Variants in EXOC4 observed in about 807,000 individuals in gnomAD.
EXOC4 encodes the protein exocyst complex component 4, also known as SEC8-like 1.
EXOC4 carries 71 observed loss-of-function variants against 107.2 expected under a neutral mutation model. That is an observed-to-expected ratio of 0.66 (90% CI 0.55 to 0.81). EXOC4 has a LOEUF of 0.81. EXOC4 is among the 30% of genes least tolerant of loss of function. The probability of loss-of-function intolerance (pLI) is 0.00; values close to 1 mark genes in which losing one functional copy is unlikely to be tolerated. For missense variants in EXOC4, 1,108 were observed against 1,189.6 expected, an observed-to-expected ratio of 0.93 and a Z score of 1.01; for synonymous variants, 456 against 441.2, an observed-to-expected ratio of 1.03 and a Z score of -0.42.
intron 10 of EXOC4, among the ~76,000 whole-genome samples, chr7:133,684,076 A>G (rs1488101905): frequency 6.6e-6 from 1 of 152,190 alleles, no homozygotes; most frequent in South Asian, 2.1e-4. Flanking sequence ...CATAGCATAC[A>G]CTGCTTATCC....
intron 7 of EXOC4, among the ~76,000 whole-genome samples, chr7:133,464,673 A>G (rs986043410): frequency 6.6e-6 from 1 of 152,160 alleles, no homozygotes; most frequent in African/African-American, 2.4e-5. Flanking sequence ...AGACTCTGTG[A>G]TGATAGAAGG....
intron 5 of EXOC4, among the ~76,000 whole-genome samples, chr7:133,340,713 T>C (rs1212740868): frequency 6.6e-6 from 1 of 152,056 alleles, no homozygotes; most frequent in African/African-American, 2.4e-5. Context: ...TGCTTGTTAT[T>C]GGTTTGTTGT....
chr7:133,329,927 A>G (rs1224852950), intron 5 of EXOC4, among the ~76,000 whole-genome samples: 2 of 151,950 alleles, frequency 1.3e-5, no homozygotes, highest in African/African-American at 2.4e-5. Context: ...AGGCAATCTG[A>G]CCCTTAGCAG....
chr7:133,361,579 G>T (rs1293579784), intron 6 of EXOC4, among the ~76,000 whole-genome samples: 2 of 152,180 alleles, frequency 1.3e-5, no homozygotes, highest in Non-Finnish European at 1.5e-5. Context: ...ACTGTGCTTT[G>T]CTTAGAGATG....
At chr7:133,466,859 TAAAG>T (rs1798741695) in intron 7 of EXOC4, among the ~76,000 whole-genome samples, 1 of 152,042 alleles carries the variant, frequency 6.6e-6, no homozygotes, top group African/African-American at 2.4e-5. Context: ...TACCATAAAA[TAAAG>T]AACCAAAGTC....
chr7:133,830,609 T>A (rs370526524), intron 11 of EXOC4, among the ~76,000 whole-genome samples: 4 of 152,324 alleles, frequency 2.6e-5, no homozygotes, highest in African/African-American at 9.6e-5. Flanking sequence ...TATTTGTGTT[T>A]GTAAAAAATA....
the EXOC4 span, among the ~76,000 whole-genome samples, chr7:134,085,484 C>T: frequency 6.6e-6 from 1 of 152,168 alleles, no homozygotes; most frequent in Non-Finnish European, 1.5e-5. Flanking sequence ...CTGTACTCCT[C>T]ACTCCCACTC....
At chr7:133,820,135 G>T in intron 11 of EXOC4, among the ~76,000 whole-genome samples, 1 of 136,842 alleles carries the variant, frequency 7.3e-6, no homozygotes, top group African/African-American at 2.7e-5. Context: ...TTTTTTTCTA[G>T]AGTTAACACA....
At chr7:133,476,494 A>G (rs1459436621) in intron 8 of EXOC4, among the ~76,000 whole-genome samples, 1 of 152,164 alleles carries the variant, frequency 6.6e-6, no homozygotes, top group African/African-American at 2.4e-5. Context: ...CTTTTTCAGC[A>G]GTTGGAGATC....
At chr7:134,095,622 C>T in the EXOC4 span, among the ~76,000 whole-genome samples, 7 of 152,128 alleles carry the variant, frequency 4.6e-5, no homozygotes, top group East Asian at 1.4e-3. Context: ...CAAAAACAAA[C>T]ACATACACCA....
At chr7:133,618,988 T>G (rs1802262123) in intron 9 of EXOC4, among the ~76,000 whole-genome samples, 1 of 152,178 alleles carries the variant, frequency 6.6e-6, no homozygotes, top group African/African-American at 2.4e-5. Context: ...CTGATTTTGA[T>G]TTTGTTAGAA....
chr7:133,539,680 CT>C (rs911864345), intron 9 of EXOC4, among the ~76,000 whole-genome samples: 2 of 151,376 alleles, frequency 1.3e-5, no homozygotes, highest in African/African-American at 2.4e-5. Context: ...GTTTTTTTTC[CT>C]TTTTTTGTGT....
At chr7:133,460,406 T>A (rs1798562978) in intron 7 of EXOC4, among the ~76,000 whole-genome samples, 1 of 152,220 alleles carries the variant, frequency 6.6e-6, no homozygotes, top group Non-Finnish European at 1.5e-5. Flanking sequence ...AGAATTTTCA[T>A]ATTTACTGTA....
chr7:133,337,561 C>T (rs1795546463), intron 5 of EXOC4, among the ~76,000 whole-genome samples: 1 of 151,196 alleles, frequency 6.6e-6, no homozygotes, highest in African/African-American at 2.4e-5. Context: ...ATCTACAAAG[C>T]ATTTTCTTAT....
At chr7:133,316,426 G>T (rs997905651) in intron 4 of EXOC4, among the ~76,000 whole-genome samples, 3 of 152,228 alleles carry the variant, frequency 2.0e-5, no homozygotes, top group African/African-American at 7.2e-5. Context: ...ATTTGGCTTC[G>T]AGGGGCTCTT....
At chr7:133,256,962 G>A (rs1292376902) in intron 1 of EXOC4, among the ~76,000 whole-genome samples, 3 of 152,202 alleles carry the variant, frequency 2.0e-5, no homozygotes, top group Non-Finnish European at 4.4e-5. Flanking sequence ...GAAGTATAGT[G>A]TAATTGTAAT....
chr7:133,490,911 T>C (rs1799360126), intron 9 of EXOC4, among the ~76,000 whole-genome samples: 1 of 152,214 alleles, frequency 6.6e-6, no homozygotes, highest in Admixed American at 6.5e-5. Flanking sequence ...GCACTTATTA[T>C]AGCATATTAT....
At chr7:133,758,428 C>T (rs766294) in intron 10 of EXOC4, among the ~76,000 whole-genome samples, 136,201 of 152,254 alleles carry the variant, frequency 0.89, 61,107 homozygotes, top group East Asian at 0.99. Flanking sequence ...CATGAGCCAC[C>T]GTGCCCGGCC....
At chr7:133,334,803 A>G (rs557250696) in intron 5 of EXOC4, among the ~76,000 whole-genome samples, 3 of 151,214 alleles carry the variant, frequency 2.0e-5, no homozygotes, top group African/African-American at 7.3e-5. Context: ...GTTCCTACTC[A>G]TTAGTTGAGA....
Sources: allele counts gnomAD v4.1 joint callset (sites outside exome capture counted in the v4.1 genomes callset), GRCh38; gene constraint gnomAD v4.1.1; transcripts MANE v1.5; gene names NCBI Gene and HGNC (gene_info 2026-07-23, HGNC 2026-07-21).